GLT8D2: variants seen among roughly 807,000 people sequenced by gnomAD.
The protein encoded by GLT8D2 is glycosyltransferase 8 domain-containing protein 2.
Under a neutral mutation model 44.5 loss-of-function variants are expected in GLT8D2, and 45 were observed. That is an observed-to-expected ratio of 1.01 (90% CI 0.80 to 1.30). The LOEUF is 1.30. Ranked by LOEUF, GLT8D2 falls within the 50% of genes most tolerant of loss-of-function variation. The pLI, the probability that GLT8D2 is intolerant of heterozygous loss-of-function variation, is 0.00. For missense variants in GLT8D2, 400 were observed against 430.4 expected, an observed-to-expected ratio of 0.93 and a Z score of 0.62; for synonymous variants, 156 against 157.2, an observed-to-expected ratio of 0.99 and a Z score of 0.06.
upstream of GLT8D2, among the ~76,000 whole-genome samples, chr12:104,050,820 T>TA (rs1283853591): frequency 6.7e-6 from 1 of 150,190 alleles, no homozygotes; most frequent in Non-Finnish European, 1.5e-5. Context: ...TAATTTTACT[T>TA]TTTTTTTTTT....
chr12:104,003,443 T>C (rs1176630960), intron 4 of GLT8D2, 137 bp from the exon 5 acceptor site: 2 of 758,234 alleles, frequency 2.6e-6, no homozygotes, highest in African/African-American at 1.8e-5. Context: ...ATCTAGTCAT[T>C]CTGTCTTCCC....
At chr12:103,990,868 G>C (rs1872668977) in intron 10 of GLT8D2, among the ~76,000 whole-genome samples, 1 of 152,074 alleles carries the variant, frequency 6.6e-6, no homozygotes, top group African/African-American at 2.4e-5. Flanking sequence ...GTAACTGAAG[G>C]GCTATGCAGA....
chr12:104,052,069 A>C (rs1566215926), upstream of GLT8D2, among the ~76,000 whole-genome samples: 1 of 152,236 alleles, frequency 6.6e-6, no homozygotes. Context: ...AATGTACTTA[A>C]AAGTTTTCCA....
intron 1 of GLT8D2, among the ~76,000 whole-genome samples, chr12:104,034,958 A>C (rs930711418): frequency 2.0e-5 from 3 of 152,236 alleles, no homozygotes; most frequent in African/African-American, 7.2e-5. Flanking sequence ...AGGATCAGGC[A>C]GCAATATTTG....
intron 1 of GLT8D2, among the ~76,000 whole-genome samples, chr12:104,063,160 A>G (rs1180838773): frequency 6.6e-6 from 1 of 152,172 alleles, no homozygotes; most frequent in Non-Finnish European, 1.5e-5. Context: ...CCCTAGTGCC[A>G]AAAAGGTTGG....
chr12:104,006,111 T>A (rs1292765057), intron 4 of GLT8D2, among the ~76,000 whole-genome samples: 1 of 151,820 alleles, frequency 6.6e-6, no homozygotes, highest in Admixed American at 6.6e-5. Context: ...GAAACCATCA[T>A]TCTCAGCAAA....
At chr12:104,063,124 G>GA in intron 1 of GLT8D2, among the ~76,000 whole-genome samples, 1 of 152,270 alleles carries the variant, frequency 6.6e-6, no homozygotes, top group South Asian at 2.1e-4. Flanking sequence ...CAAGTCCGTG[G>GA]AAAAATTGTC....
At chr12:104,040,626 A>T (rs752216877) in intron 1 of GLT8D2, among the ~76,000 whole-genome samples, 6 of 151,926 alleles carry the variant, frequency 3.9e-5, no homozygotes, top group Non-Finnish European at 7.4e-5. Flanking sequence ...GGGTTTCAGC[A>T]TCTTGGCCAG....
At chr12:103,990,572 ATATT>A (rs1005640057) in intron 10 of GLT8D2, among the ~76,000 whole-genome samples, 34 of 152,284 alleles carry the variant, frequency 2.2e-4, no homozygotes, top group Non-Finnish European at 4.4e-5. Context: ...TTTGATATAT[ATATT>A]CTTTAAACAG....
intron 9 of GLT8D2, 24 bp from the exon 10 acceptor site, chr12:103,993,528 A>G (rs1873036105): frequency 1.3e-6 from 2 of 1,494,988 alleles, no homozygotes; most frequent in Non-Finnish European, 1.8e-6. Context: ...TAGAAAAACA[A>G]CATTTGGCCT....
chr12:104,057,749 A>G (rs1236725139), intron 1 of GLT8D2, among the ~76,000 whole-genome samples: 2 of 152,194 alleles, frequency 1.3e-5, no homozygotes, highest in Non-Finnish European at 2.9e-5. Context: ...ATGTTTACAG[A>G]ACAGTGTTAT....
intron 3 of GLT8D2, 74 bp from the exon 4 acceptor site, chr12:104,015,179 G>GGCACCTACTCGCACTACCAT: frequency 9.9e-7 from 1 of 1,005,386 alleles, no homozygotes; most frequent in Non-Finnish European, 1.5e-6. Flanking sequence ...TAGAATGGTA[G>GGCACCTACTCGCACTACCAT]TGCGAGTAGG....
upstream of GLT8D2, among the ~76,000 whole-genome samples, chr12:104,054,193 C>CCA: frequency 6.6e-6 from 1 of 152,206 alleles, no homozygotes; most frequent in South Asian, 2.1e-4. Context: ...ACCCTAGCAA[C>CCA]CACCATTCCA....
At chr12:104,019,719 C>T (rs2136371600) in intron 2 of GLT8D2, 43 bp from the exon 3 acceptor site, 1 of 1,326,524 alleles carries the variant, frequency 7.5e-7, no homozygotes, top group African/African-American at 1.4e-5. Context: ...GGAGAATCAA[C>T]TTAAAACTCA....
intron 1 of GLT8D2, among the ~76,000 whole-genome samples, chr12:104,022,481 G>A (rs1258461927): frequency 2.0e-5 from 3 of 152,118 alleles, no homozygotes; most frequent in Non-Finnish European, 4.4e-5. Flanking sequence ...TTTTGTCTCT[G>A]TGTTGAAGAT....
rs140298246 is a variant in GLT8D2, at chr12:104,057,928, A to C, written c.-423+6021T>G. ...AAATAATCAGTGCCCCTCATCCTTA[A>C]TGGGGGATATCCCAGTAGTTTGGGA... On this transcript the variant is annotated intron_variant, in intron 1 of 10. Coordinates refer to the GLT8D2 transcript ENST00000548660. 2.8e-3 allele frequency among the ~76,000 whole-genome samples: 432 copies of C among 152,228 alleles called. 8 individuals are homozygous for C. Among genetic ancestry groups the C allele is most frequent in the East Asian group, 0.023 (118 of 5,192 alleles).
chr12:104,011,654 A>G (rs888144236), intron 4 of GLT8D2, among the ~76,000 whole-genome samples: 1 of 152,224 alleles, frequency 6.6e-6, no homozygotes, highest in South Asian at 2.1e-4. Context: ...CTGGACATCA[A>G]CTTAGAACAC....
intron 1 of GLT8D2, among the ~76,000 whole-genome samples, chr12:104,056,602 C>T (rs1882201611): frequency 6.6e-6 from 1 of 152,200 alleles, no homozygotes; most frequent in African/African-American, 2.4e-5. Context: ...TAGCACAGTC[C>T]TTGCTTGGCA....
At chr12:104,016,801 AGG>A (rs1566199713) in intron 3 of GLT8D2, among the ~76,000 whole-genome samples, 7 of 146,236 alleles carry the variant, frequency 4.8e-5, no homozygotes, top group South Asian at 4.5e-4. Flanking sequence ...GAAGGAAGGA[AGG>A]AAGGAAAGAA....
Sources: allele counts gnomAD v4.1 joint callset (sites outside exome capture counted in the v4.1 genomes callset), GRCh38; gene constraint gnomAD v4.1.1; transcripts MANE v1.5; gene names NCBI Gene and HGNC (gene_info 2026-07-23, HGNC 2026-07-21).